The following SERINC5 variants were observed in gnomAD, a reference collection of about 807,000 sequenced individuals.
SERINC5 encodes the protein chromosome 5 open reading frame 12.
A neutral mutation model predicts 63.1 loss-of-function variants in SERINC5; 41 were observed. That is an observed-to-expected ratio of 0.65 (90% CI 0.51 to 0.84). The LOEUF is 0.84. Ranked by LOEUF, SERINC5 falls within the 40% of genes least tolerant of loss-of-function variation. The pLI, the probability that SERINC5 is intolerant of heterozygous loss-of-function variation, is 0.00. For synonymous variants in SERINC5, 222 were observed against 215.2 expected, an observed-to-expected ratio of 1.03 and a Z score of -0.28; for missense variants, 523 against 573.0, an observed-to-expected ratio of 0.91 and a Z score of 0.89.
At chr5:80,160,964 GTA>G (rs111930431) in intron 7 of SERINC5, among the ~76,000 whole-genome samples, 10 of 148,614 alleles carry the variant, frequency 6.7e-5, no homozygotes, top group Middle Eastern at 7.1e-3. Flanking sequence ...ATATGTGTGT[GTA>G]TATATATGTA....
intron 2 of SERINC5, chr5:80,198,745 C>G (rs1051925346): frequency 1.0e-6 from 1 of 981,014 alleles, no homozygotes; most frequent in African/African-American, 1.8e-5. Flanking sequence ...GGCCACGAAA[C>G]AAGCTGACTT....
intron 1 of SERINC5, among the ~76,000 whole-genome samples, chr5:80,238,079 G>A (rs1368589659): frequency 6.8e-6 from 1 of 147,996 alleles, no homozygotes; most frequent in African/African-American, 2.5e-5. Flanking sequence ...ACTCCAGCCT[G>A]GGCGACAGAG....
intron 9 of SERINC5, among the ~76,000 whole-genome samples, chr5:80,148,667 C>CAA (rs559491306): frequency 1.9e-4 from 24 of 127,734 alleles, no homozygotes; most frequent in East Asian, 1.5e-3. Context: ...GGCCCTGTCT[C>CAA]AAAAAAAAAA....
At chr5:80,171,467 C>A (rs746782089) in intron 5 of SERINC5, among the ~76,000 whole-genome samples, 22 of 152,166 alleles carry the variant, frequency 1.4e-4, no homozygotes, top group Non-Finnish European at 2.8e-4. Flanking sequence ...AGAGAAGGAC[C>A]TGTAACTGTG....
intron 12 of SERINC5, among the ~76,000 whole-genome samples, chr5:80,112,564 C>T (rs1469158352): frequency 1.3e-5 from 2 of 152,260 alleles, no homozygotes; most frequent in East Asian, 3.9e-4. Context: ...TTTCTCTATA[C>T]TTTGTCTCTG....
intron 1 of SERINC5, among the ~76,000 whole-genome samples, chr5:80,253,931 C>T (rs550659732): frequency 6.6e-6 from 1 of 152,234 alleles, no homozygotes; most frequent in African/African-American, 2.4e-5. Flanking sequence ...TGTTTGCTTT[C>T]CTTTCTTTTG....
rs1745326680 is a variant in SERINC5 at position 80,138,745 on chromosome 5, T to C, written c.*4918A>G. 3.5e-6 allele frequency: 3 copies of C among 863,678 alleles called. No individual in the cohort carries two copies. Among genetic ancestry groups the C allele is most frequent in the South Asian group, 1.1e-4 (2 of 18,820 alleles). 53.5% of individuals were successfully genotyped at this position (863,678 alleles called of 1,614,324 possible). A position where few individuals can be genotyped will look rare whatever the true frequency, so the allele number is the denominator to read the frequency against. The stretch of plus-strand genomic sequence containing the variant: ...CATCATGTTGCACACCACAGATATA[T>C]ATCTTTTATTTGTCAATTAAAGGAT... On this transcript the variant is annotated 3_prime_UTR_variant, in exon 12 of 12. Coordinates refer to ENST00000507668, the MANE Select transcript of SERINC5 (RefSeq NM_001174072.3).
At chr5:80,175,613 A>G (rs1489047596) in intron 4 of SERINC5, among the ~76,000 whole-genome samples, 1 of 152,094 alleles carries the variant, frequency 6.6e-6, no homozygotes, top group African/African-American at 2.4e-5. Context: ...TCATGCCTGC[A>G]ATCCTAGCAC....
At chr5:80,180,346 TCA>T (rs1422294321) in intron 2 of SERINC5, among the ~76,000 whole-genome samples, 2 of 152,074 alleles carry the variant, frequency 1.3e-5, no homozygotes, top group East Asian at 3.8e-4. Flanking sequence ...AAATAAAGTA[TCA>T]CAGAGAAAAA....
chr5:80,176,226 G>A (rs1748027058), intron 4 of SERINC5, among the ~76,000 whole-genome samples: 1 of 152,120 alleles, frequency 6.6e-6, no homozygotes, highest in African/African-American at 2.4e-5. Flanking sequence ...AGGGTTTCTA[G>A]GTCTCTTCTC....
At chr5:80,215,194 T>C (rs1750608822) in intron 1 of SERINC5, among the ~76,000 whole-genome samples, 1 of 152,206 alleles carries the variant, frequency 6.6e-6, no homozygotes, top group South Asian at 2.1e-4. Context: ...TTTACCACCA[T>C]CCACTTGGTA....
intron 11 of SERINC5, chr5:80,116,154 C>T: frequency 2.6e-6 from 1 of 377,498 alleles, no homozygotes; most frequent in South Asian, 2.0e-5. Context: ...GTAGGCCTCT[C>T]TGGCACTCCA....
At chr5:80,196,306 G>A (rs936492614) in intron 2 of SERINC5, among the ~76,000 whole-genome samples, 3 of 152,022 alleles carry the variant, frequency 2.0e-5, no homozygotes, top group East Asian at 3.9e-4. Flanking sequence ...AGGCAAAGAG[G>A]AGATGACCAC....
chr5:80,161,060 A>G (rs927253386), intron 7 of SERINC5, among the ~76,000 whole-genome samples: 17 of 151,226 alleles, frequency 1.1e-4, no homozygotes, highest in African/African-American at 3.9e-4. Flanking sequence ...GTATGTATGT[A>G]TATATATAAA....
At chr5:80,210,050 T>A (rs1750359993) in intron 1 of SERINC5, among the ~76,000 whole-genome samples, 1 of 122,574 alleles carries the variant, frequency 8.2e-6, no homozygotes, top group Non-Finnish European at 1.7e-5. Context: ...AGAGATCCTA[T>A]CTCAAAAAAG....
intron 11 of SERINC5, among the ~76,000 whole-genome samples, chr5:80,116,863 C>G (rs1744343938): frequency 6.6e-6 from 1 of 151,188 alleles, no homozygotes; most frequent in Admixed American, 6.6e-5. Flanking sequence ...GGGTCTTGCT[C>G]TCTCGCCCAG....
intron 6 of SERINC5, 126 bp from the exon 7 acceptor site, chr5:80,166,604 G>T: frequency 1.7e-6 from 1 of 603,400 alleles, no homozygotes; most frequent in Non-Finnish European, 3.0e-6. Context: ...GGAAAGAAAA[G>T]AGAAAAAAAT....
intron 4 of SERINC5, among the ~76,000 whole-genome samples, 191 bp downstream of exon 4, chr5:80,177,124 G>C (rs551386658): frequency 6.6e-6 from 1 of 152,286 alleles, no homozygotes; most frequent in Admixed American, 6.5e-5. Context: ...AGTGGGATGC[G>C]GTGGTGAGAA....
At chr5:80,196,908 C>T (rs144228150) in intron 2 of SERINC5, among the ~76,000 whole-genome samples, 7 of 152,204 alleles carry the variant, frequency 4.6e-5, no homozygotes, top group African/African-American at 1.7e-4. Flanking sequence ...CCACTGCACT[C>T]TAGCCTGGGT....
Sources: allele counts gnomAD v4.1 joint callset (sites outside exome capture counted in the v4.1 genomes callset), GRCh38; gene constraint gnomAD v4.1.1; transcripts MANE v1.5; gene names NCBI Gene and HGNC (gene_info 2026-07-23, HGNC 2026-07-21).